ULK2: variants seen among roughly 807,000 people sequenced by gnomAD.
ULK2 encodes serine/threonine-protein kinase ULK2.
In ULK2, 76 loss-of-function variants were observed where a neutral mutation model predicts 127.5. The observed-to-expected ratio is 0.60, with a 90% confidence interval of 0.50 to 0.72. ULK2 has a LOEUF of 0.72. ULK2 is among the 30% of genes least tolerant of loss of function. ULK2 has a pLI of 0.00. For missense variants in ULK2, 1,144 were observed against 1,295.9 expected (o/e 0.88, Z 1.80); for synonymous variants, 452 against 461.9 (o/e 0.98, Z 0.28).
intron 25 of ULK2, 60 bp downstream of exon 25, chr17:19,780,412 A>G (rs2086894130): frequency 1.4e-6 from 2 of 1,435,892 alleles, no homozygotes; most frequent in African/African-American, 1.4e-5. Flanking sequence ...TAGATATTCA[A>G]TTAAAAAGAC....
chr17:19,814,439 T>TATACATATATATA (rs1491246393), intron 13 of ULK2, among the ~76,000 whole-genome samples: 1 of 10,002 alleles, frequency 1.0e-4, no homozygotes, highest in African/African-American at 2.1e-4. Context: ...TATATATATA[T>TATACATATATATA]TTTTTTTTTT....
chr17:19,835,673 C>T (rs1319092333), intron 10 of ULK2, among the ~76,000 whole-genome samples: 2 of 150,320 alleles, frequency 1.3e-5, no homozygotes, highest in East Asian at 2.0e-4. Context: ...GCCGAGATCC[C>T]GCCACTGCAC....
At chr17:19,811,900 G>T (rs2087649738) in intron 13 of ULK2, among the ~76,000 whole-genome samples, 1 of 152,142 alleles carries the variant, frequency 6.6e-6, no homozygotes, top group Admixed American at 6.5e-5. Context: ...TATTCATAGA[G>T]TTCTTTTGAT....
At chr17:19,866,653 A>C (rs1446508279) in intron 1 of ULK2, among the ~76,000 whole-genome samples, 1 of 152,252 alleles carries the variant, frequency 6.6e-6, no homozygotes, top group East Asian at 1.9e-4. Flanking sequence ...ATGCCTTTCC[A>C]AATTCTTTAG....
At chr17:19,853,137 A>C (rs2042053560) in intron 3 of ULK2, among the ~76,000 whole-genome samples, 1 of 139,576 alleles carries the variant, frequency 7.2e-6, no homozygotes, top group African/African-American at 2.6e-5. Context: ...AAATTTTTTT[A>C]ATTTTTTTTT....
Position 19,776,324 on chromosome 17 carries a change from C to T in ULK2, c.*25G>A. The T allele has an allele frequency of 6.3e-7, 1 of 1,587,738 alleles. No homozygotes were observed. The highest frequency in any genetic ancestry group is 8.6e-7 in the Non-Finnish European group (1 of 1,168,182). On this transcript the variant is annotated 3_prime_UTR_variant, in exon 27 of 27. Transcript: ENST00000395544. Reference sequence around the variant, plus strand: ...AAGGCATCACCTCACGTTCCCACCACCGGTCCACGGGATGAGCCTGCTGCT... The same window carrying T: ...AAGGCATCACCTCACGTTCCCACCATCGGTCCACGGGATGAGCCTGCTGCT...
chr17:19,799,738 A>G (rs2087355732), intron 16 of ULK2, among the ~76,000 whole-genome samples, 163 bp from the exon 17 acceptor site: 1 of 152,250 alleles, frequency 6.6e-6, no homozygotes, highest in Non-Finnish European at 1.5e-5. Context: ...TGGACAACCA[A>G]TCCGCTGGGT....
Position 19,777,655 on chromosome 17 carries a change from T to C in ULK2, c.2978A>G (p.His993Arg), listed in dbSNP as rs754057342. Residue 993 changes from histidine to arginine, a missense_variant, in exon 26 of 27, where the codon CAT becomes CGT. His to Arg is a conservative substitution (Grantham distance 29). This residue lies in a region of ULK2 where 913 missense variants were observed against 970.5 expected (regional missense o/e 0.94). Coordinates refer to ENST00000395544, the MANE Select transcript of ULK2 (RefSeq NM_014683.4). ...GCCTTCCAAAAGAAGGGCTGCCTTA[T>C]GATAGCGATAAACAATATCTTCGGT... The part of the protein sequence containing the change: ...QQTEDIVYRY[H>R]KAALLLEGLS... 3.1e-6 allele frequency: 5 copies of C among 1,614,186 alleles called. No homozygotes were observed. In the East Asian group the frequency reaches 8.9e-5, roughly 29 times the overall value.
At chr17:19,791,806 C>T (rs2087159093) in intron 20 of ULK2, among the ~76,000 whole-genome samples, 1 of 128,880 alleles carries the variant, frequency 7.8e-6, no homozygotes, top group South Asian at 2.4e-4. Context: ...TGCAGTGCAC[C>T]AAGATCGTGC....
At chr17:19,851,159 CAAA>C (rs758540102) in intron 3 of ULK2, among the ~76,000 whole-genome samples, 3 of 104,950 alleles carry the variant, frequency 2.9e-5, no homozygotes, top group Non-Finnish European at 2.1e-5. Context: ...ATAAAAATAC[CAAA>C]AAAAAAAAAA....
intron 20 of ULK2, among the ~76,000 whole-genome samples, chr17:19,788,470 G>A (rs2087083095): frequency 6.6e-6 from 1 of 151,960 alleles, no homozygotes; most frequent in African/African-American, 2.4e-5. Context: ...TGAGCCAGAA[G>A]TGAACTCACT....
At chr17:19,849,264 T>C in intron 5 of ULK2, 105 bp downstream of exon 5, 1 of 963,582 alleles carries the variant, frequency 1.0e-6, no homozygotes. Context: ...ATTGAATGTT[T>C]CTATACAAGA....
At chr17:19,856,495 T>C (rs2042128950) in intron 3 of ULK2, among the ~76,000 whole-genome samples, 1 of 150,772 alleles carries the variant, frequency 6.6e-6, no homozygotes, top group Non-Finnish European at 1.5e-5. Context: ...GGCAGGAGAA[T>C]GAGGGGAACC....
chr17:19,828,409 CAG>C (rs2041348547), intron 10 of ULK2, among the ~76,000 whole-genome samples: 1 of 152,078 alleles, frequency 6.6e-6, no homozygotes, highest in African/African-American at 2.4e-5. Context: ...TCACTTTCTA[CAG>C]AGTTTAAAAG....
intron 21 of ULK2, among the ~76,000 whole-genome samples, chr17:19,785,680 G>A (rs1259913426): frequency 6.6e-6 from 1 of 151,538 alleles, no homozygotes; most frequent in Non-Finnish European, 1.5e-5. Context: ...ATGTCATTTT[G>A]TAAAAACATA....
chr17:19,851,795 C>A (rs902671703), intron 3 of ULK2, among the ~76,000 whole-genome samples: 2 of 151,848 alleles, frequency 1.3e-5, no homozygotes, highest in African/African-American at 2.4e-5. Context: ...GAGGCCAAGG[C>A]GGGTCGGATT....
Position 19,776,374 on chromosome 17 carries a change from A to G in ULK2, c.3086T>C (p.Leu1029Pro), listed in dbSNP as rs1475304344. Residue 1029 changes from leucine to proline, a missense_variant, in exon 27 of 27, where the codon CTC (leucine) becomes CCC (proline). By Grantham distance (98) the Leu-to-Pro change is moderately conservative (BLOSUM62 -3). This residue lies in a region of ULK2 where 913 missense variants were observed against 970.5 expected (regional missense o/e 0.94). Coordinates refer to ENST00000395544, the MANE Select transcript of ULK2 (RefSeq NM_014683.4). ...TCACACGGTTGCGGTGCTATGGCAGAGCGCCGACAGTCTTCTCTCAATACT... is the reference window on the plus strand; with the variant it reads ...TCACACGGTTGCGGTGCTATGGCAGGGCGCCGACAGTCTTCTCTCAATACT... The part of the protein sequence containing the change: ...KCSIERRLSA[L>P]CHSTATV 1 of 1,605,828 alleles carries G rather than the reference A, an allele frequency of 6.2e-7. No homozygotes were observed. Among genetic ancestry groups the G allele is most frequent in the Non-Finnish European group, 8.5e-7 (1 of 1,176,374 alleles).
At chr17:19,816,669 G>A in intron 13 of ULK2, 80 bp downstream of exon 13, 1 of 1,304,216 alleles carries the variant, frequency 7.7e-7, no homozygotes, top group Non-Finnish European at 1.0e-6. Flanking sequence ...ACACAAGAAA[G>A]TGTAATATAT....
chr17:19,798,731 T>C (rs757253469), intron 17 of ULK2, among the ~76,000 whole-genome samples: 53 of 152,340 alleles, frequency 3.5e-4, no homozygotes, highest in Admixed American at 1.4e-3. Context: ...TCCTTAAATA[T>C]CCATACAACA....
Sources: gnomAD v4.1 joint callset for allele counts (sites outside exome capture counted in the v4.1 genomes callset) on GRCh38, gnomAD v4.1.1 for gene constraint, gnomAD v4.1.1 regional missense constraint, MANE v1.5 for transcripts, NCBI Gene and HGNC (gene_info 2026-07-23, HGNC 2026-07-21) for gene names.